FBXO34: variants seen among roughly 807,000 people sequenced by gnomAD.
FBXO34 encodes the protein F-box only protein 34.
Under a neutral mutation model 24.5 loss-of-function variants are expected in FBXO34, and 12 were observed. The ratio of observed to expected loss-of-function variants is 0.49; its 90% CI spans 0.31 to 0.79. The LOEUF (loss-of-function observed/expected upper bound fraction) is 0.79, where lower values mean the gene tolerates loss of function less well. Among genes scored for constraint, FBXO34 ranks in the 30% least tolerant of loss-of-function variants. The pLI, the probability that FBXO34 is intolerant of heterozygous loss-of-function variation, is 0.04. For synonymous variants in FBXO34, 320 were observed against 311.9 expected (o/e 1.03, Z -0.27); for missense variants, 823 against 857.7 (o/e 0.96, Z 0.51).
the FBXO34 span, among the ~76,000 whole-genome samples, chr14:55,415,662 C>G: frequency 2.7e-4 from 41 of 152,052 alleles, no homozygotes; most frequent in Non-Finnish European, 5.6e-4. Context: ...GTCAGGAGTT[C>G]AAGACCAGCC....
At chr14:55,393,605 G>T in the FBXO34 span, among the ~76,000 whole-genome samples, 1 of 151,044 alleles carries the variant, frequency 6.6e-6, no homozygotes, top group African/African-American at 2.4e-5. Context: ...GAGTATGGTG[G>T]TGTGATTACA....
At chr14:55,331,286 T>C (rs1241156437) in intron 1 of FBXO34, among the ~76,000 whole-genome samples, 4 of 152,060 alleles carry the variant, frequency 2.6e-5, no homozygotes, top group Non-Finnish European at 4.4e-5. Context: ...CTGGTAAAAA[T>C]ATATTAATGG....
chr14:55,414,220 G>A, the FBXO34 span: 3 of 593,004 alleles, frequency 5.1e-6, no homozygotes, highest in African/African-American at 1.9e-5. Flanking sequence ...TTTTGAATAA[G>A]AATTTTTCTT....
the FBXO34 span, among the ~76,000 whole-genome samples, chr14:55,421,768 C>T: frequency 2.0e-5 from 3 of 152,088 alleles, no homozygotes; most frequent in Non-Finnish European, 2.9e-5. Context: ...CAGAAACTTT[C>T]CCCTCTTTGA....
intron 1 of FBXO34, among the ~76,000 whole-genome samples, chr14:55,303,614 A>T (rs1382315294): frequency 4.8e-5 from 7 of 144,582 alleles, no homozygotes; most frequent in African/African-American, 7.7e-5. Flanking sequence ...TTTTTTTAAT[A>T]GTTGTAAAGT....
intron 1 of FBXO34, among the ~76,000 whole-genome samples, chr14:55,332,654 C>G (rs1040796225): frequency 1.3e-5 from 2 of 152,104 alleles, no homozygotes; most frequent in Admixed American, 6.5e-5. Flanking sequence ...ATAGGGAGAA[C>G]TTGGTGTACC....
At chr14:55,382,918 C>T in the FBXO34 span, among the ~76,000 whole-genome samples, 1 of 152,102 alleles carries the variant, frequency 6.6e-6, no homozygotes, top group South Asian at 2.1e-4. Context: ...TTCAAAAATA[C>T]CAATAAACCT....
downstream of FBXO34, chr14:55,369,659 G>A (rs770614734): frequency 8.4e-6 from 13 of 1,552,816 alleles, no homozygotes; most frequent in Admixed American, 1.9e-5. Context: ...GGAGGTCACC[G>A]AGGCTGCTGC....
chr14:55,440,454 C>G, the FBXO34 span: 967,180 of 1,612,074 alleles, frequency 0.6, 293,139 homozygotes, highest in African/African-American at 0.78. Flanking sequence ...CTCCATGGAC[C>G]GTAATCCCAC....
the FBXO34 span, chr14:55,391,387 A>G: frequency 6.4e-6 from 1 of 155,250 alleles, no homozygotes; most frequent in Non-Finnish European, 1.4e-5. Context: ...GCGGCAGGAC[A>G]ATCACTTGAA....
chr14:55,366,450 CA>C, downstream of FBXO34: 1 of 152,698 alleles, frequency 6.5e-6, no homozygotes, highest in Non-Finnish European at 1.5e-5. Flanking sequence ...TTGTATGACT[CA>C]AACTGGTTTG....
chr14:55,407,937 A>T, the FBXO34 span, among the ~76,000 whole-genome samples: 2 of 152,128 alleles, frequency 1.3e-5, no homozygotes, highest in African/African-American at 4.8e-5. Flanking sequence ...GCAAGGAAAA[A>T]GCCCCATTGG....
chr14:55,401,143 T>C, the FBXO34 span, among the ~76,000 whole-genome samples: 1 of 152,028 alleles, frequency 6.6e-6, no homozygotes, highest in Non-Finnish European at 1.5e-5. Context: ...CTCTGAGAGA[T>C]GGTTTGTAAT....
chr14:55,418,484 T>C, the FBXO34 span, among the ~76,000 whole-genome samples: 1 of 152,170 alleles, frequency 6.6e-6, no homozygotes, highest in African/African-American at 2.4e-5. Flanking sequence ...AAAAATAGCA[T>C]TGCACCGCTC....
chr14:55,350,279 G>A (rs1884303114), intron 1 of FBXO34, 102 bp from the exon 2 acceptor site: 2 of 768,042 alleles, frequency 2.6e-6, no homozygotes, highest in East Asian at 2.8e-5. Context: ...GGTAGAACAT[G>A]TTTTTCTTAG....
intron 3 of FBXO34, among the ~76,000 whole-genome samples, chr14:55,360,495 TCAC>T (rs1164499344): frequency 2.0e-5 from 3 of 152,234 alleles, no homozygotes; most frequent in African/African-American, 7.2e-5. Flanking sequence ...TTGCTGTTTT[TCAC>T]CACATCTGTA....
At chr14:55,346,519 G>C (rs185842704) in intron 1 of FBXO34, among the ~76,000 whole-genome samples, 26 of 152,318 alleles carry the variant, frequency 1.7e-4, no homozygotes, top group African/African-American at 6.0e-4. Flanking sequence ...CAGGCTGTGG[G>C]ATATGAAGTT....
chr14:55,377,837 C>T, the FBXO34 span: 1 of 1,595,254 alleles, frequency 6.3e-7, no homozygotes, highest in Non-Finnish European at 8.5e-7. Context: ...GTGTTCAGAG[C>T]TTGGACTGAC....
chr14:55,437,882 C>T, the FBXO34 span, among the ~76,000 whole-genome samples: 1,236 of 152,224 alleles, frequency 8.1e-3, 9 homozygotes, highest in Admixed American at 0.014. Context: ...AGAATTTACA[C>T]TAGGAAAAAA....
Sources: allele counts gnomAD v4.1 joint callset (sites outside exome capture counted in the v4.1 genomes callset), GRCh38; gene constraint gnomAD v4.1.1; transcripts MANE v1.5; gene names NCBI Gene and HGNC (gene_info 2026-07-23, HGNC 2026-07-21).